ZMYM4: variants seen among roughly 807,000 people sequenced by gnomAD.
The protein encoded by ZMYM4 is zinc finger MYM-type protein 4.
A neutral mutation model predicts 183.2 loss-of-function variants in ZMYM4; 31 were observed. The ratio of observed to expected loss-of-function variants is 0.17; its 90% confidence interval spans 0.13 to 0.23. ZMYM4 has a LOEUF of 0.23. Among genes scored for constraint, ZMYM4 ranks in the 10% least tolerant of loss-of-function variants. The pLI, the probability that ZMYM4 is intolerant of heterozygous loss-of-function variation, is 1.00. For synonymous variants in ZMYM4, 592 were observed against 631.2 expected (o/e 0.94, Z 0.93); for missense variants, 1,273 against 1,840.3 (o/e 0.69, Z 5.64).
chr1:35,359,449 A>G lies in ZMYM4; in HGVS notation c.607+3A>G. 6.4e-7 allele frequency: 1 copy of G among 1,552,352 alleles called. No homozygotes were observed. The highest frequency in any genetic ancestry group is 8.6e-7 in the Non-Finnish European group (1 of 1,158,030). ...AAGCAGTTTTTTTGATAAAGCAGGT[A>G]ATAATTGTTGGACTTAGAACCATAA... On this transcript the variant is annotated splice_donor_region_variant and intron_variant, in intron 3 of 29. Transcript: ENST00000314607.
intron 16 of ZMYM4, 147 bp downstream of exon 16, chr1:35,392,499 A>G (rs917471183): frequency 7.8e-7 from 1 of 1,283,968 alleles, no homozygotes; most frequent in African/African-American, 1.5e-5. Context: ...CATATCTCAT[A>G]CTTTAGAATT....
intron 1 of ZMYM4, among the ~76,000 whole-genome samples, chr1:35,297,349 C>T (rs1641070112): frequency 6.6e-6 from 1 of 151,820 alleles, no homozygotes; most frequent in East Asian, 1.9e-4. Flanking sequence ...AAAAATGAGC[C>T]AGGCATTTTG....
At chr1:35,391,312 CA>C (rs751341341) in intron 15 of ZMYM4, among the ~76,000 whole-genome samples, 20 of 152,166 alleles carry the variant, frequency 1.3e-4, no homozygotes, top group Non-Finnish European at 5.9e-5. Context: ...GGTCATCTCT[CA>C]GAGTAATTAC....
intron 2 of ZMYM4, among the ~76,000 whole-genome samples, chr1:35,341,578 T>C (rs188273604): frequency 6.6e-6 from 1 of 152,110 alleles, no homozygotes; most frequent in Admixed American, 6.6e-5. Context: ...AGGGTGTTAC[T>C]TAATTCCCTT....
intron 1 of ZMYM4, among the ~76,000 whole-genome samples, chr1:35,295,550 A>G (rs908293256): frequency 6.6e-6 from 1 of 152,134 alleles, no homozygotes; most frequent in Non-Finnish European, 1.5e-5. Context: ...CCTGGTTTCT[A>G]TCTACTAGAT....
At chr1:35,398,114 G>A (rs1159921853) in intron 20 of ZMYM4, among the ~76,000 whole-genome samples, 1 of 152,202 alleles carries the variant, frequency 6.6e-6, no homozygotes, top group Non-Finnish European at 1.5e-5. Flanking sequence ...GATCTGGAAA[G>A]TAGGATGTTA....
At position 35,397,006 on chromosome 1, in the gene ZMYM4, G is replaced by T. The variant is rs1417329444; in HGVS notation, c.3030+336G>T. 6.4e-5 allele frequency: 56 copies of T among 873,698 alleles called. No homozygotes were observed. The East Asian group carries it at 1.1e-3, about 17-fold the overall frequency. The allele number at this position is 873,698 out of a possible 1,614,324, so 54.1% of individuals were successfully genotyped here. ...TGTGATTTATATAATTCTCATTTTTGATTAAAGAAAAATGTATTTTTTAAT... is the reference window on the plus strand; with the variant it reads ...TGTGATTTATATAATTCTCATTTTTTATTAAAGAAAAATGTATTTTTTAAT... On this transcript the variant is annotated intron_variant, in intron 19 of 29. Transcript: ENST00000314607.
chr1:35,341,457 T>C (rs1643198054), intron 2 of ZMYM4, among the ~76,000 whole-genome samples: 1 of 152,120 alleles, frequency 6.6e-6, no homozygotes. Flanking sequence ...TAATATTTAT[T>C]GTGCTTTTTC....
chr1:35,277,062 A>G (rs1639913705), intron 1 of ZMYM4, among the ~76,000 whole-genome samples: 1 of 152,182 alleles, frequency 6.6e-6, no homozygotes, highest in Non-Finnish European at 1.5e-5. Context: ...TTTACCCCTC[A>G]TATTTCCCAC....
At chr1:35,391,077 A>T (rs534755156) in intron 15 of ZMYM4, among the ~76,000 whole-genome samples, 1 of 152,332 alleles carries the variant, frequency 6.6e-6, no homozygotes, top group East Asian at 1.9e-4. Flanking sequence ...GGGCGTGACT[A>T]GTTGGGGCCA....
rs559149155 is a variant in ZMYM4, at chr1:35,414,138, C to G, written c.4060+55C>G. Reference sequence around the variant, plus strand: ...TGATATGCTTTCTTAAATTGCTTAACTTTTTTGGTTATCTTTAAAAAAATT... The same window carrying G: ...TGATATGCTTTCTTAAATTGCTTAAGTTTTTTGGTTATCTTTAAAAAAATT... On this transcript the variant is annotated intron_variant, in intron 27 of 29. Coordinates refer to ENST00000314607, the MANE Select transcript of ZMYM4 (RefSeq NM_005095.3). The G allele has an allele frequency of 4.5e-6, 5 of 1,101,072 alleles. No individual in the cohort carries two copies. The African/African-American group carries it at 8.0e-5, about 18-fold the overall frequency. 68.2% of individuals were successfully genotyped at this position (1,101,072 alleles called of 1,614,324 possible). A position where few individuals can be genotyped will look rare whatever the true frequency, so the allele number is the denominator to read the frequency against.
At chr1:35,398,607 TTG>T (rs1179007030) in intron 21 of ZMYM4, 141 bp downstream of exon 21, 1 of 837,784 alleles carries the variant, frequency 1.2e-6, no homozygotes, top group Non-Finnish European at 1.8e-6. Flanking sequence ...GTGTACTAAT[TTG>T]TAGTGAGAAT....
Position 35,325,416 on chromosome 1 carries a change from T to C in ZMYM4, c.85+11T>C. Reference sequence around the variant, plus strand: ...AAATTGTAGAGAACTGTAAGTACCATTTGAGAAAAAACAATCATGTCTTTA... The same window carrying C: ...AAATTGTAGAGAACTGTAAGTACCACTTGAGAAAAAACAATCATGTCTTTA... On this transcript the variant is annotated intron_variant, in intron 2 of 29. Transcript: ENST00000314607. The C allele has an allele frequency of 6.3e-7, 1 of 1,598,806 alleles. No individual in the cohort carries two copies. Among genetic ancestry groups the C allele is most frequent in the South Asian group, 1.1e-5 (1 of 87,932 alleles).
At chr1:35,358,437 C>T (rs1643876703) in intron 2 of ZMYM4, among the ~76,000 whole-genome samples, 1 of 151,562 alleles carries the variant, frequency 6.6e-6, no homozygotes, top group African/African-American at 2.4e-5. Context: ...TCAGTTTTCC[C>T]TGAATAATCG....
intron 1 of ZMYM4, among the ~76,000 whole-genome samples, chr1:35,280,779 A>C (rs1357989289): frequency 6.6e-6 from 1 of 151,988 alleles, no homozygotes; most frequent in Admixed American, 6.6e-5. Flanking sequence ...TCTTCTAAGG[A>C]CACTCTTCAT....
chr1:35,412,122 G>T (rs898636736), intron 26 of ZMYM4, among the ~76,000 whole-genome samples: 3 of 151,426 alleles, frequency 2.0e-5, no homozygotes, highest in Admixed American at 6.6e-5. Context: ...CTTGTGATCC[G>T]CCCGCCTTAG....
chr1:35,336,906 G>A lies in ZMYM4; in HGVS notation c.85+11501G>A, dbSNP rs78880535. 6.1e-3 allele frequency among the ~76,000 whole-genome samples: 936 copies of A among 152,274 alleles called. 4 individuals are homozygous for A. The highest frequency in any genetic ancestry group is 8.7e-3 in the Non-Finnish European group (595 of 68,034). The stretch of plus-strand genomic sequence containing the variant: ...CCCCCCATGTTGTTCTTGTGACAGC[G>A]AGTGAATTCTCATGAGGTATCATGG... On this transcript the variant is annotated intron_variant, in intron 2 of 29. Coordinates refer to ENST00000314607, the MANE Select transcript of ZMYM4 (RefSeq NM_005095.3).
chr1:35,317,115 T>A (rs1310674672), intron 1 of ZMYM4, among the ~76,000 whole-genome samples: 1 of 140,076 alleles, frequency 7.1e-6, no homozygotes, highest in Non-Finnish European at 1.5e-5. Flanking sequence ...AGAGCGAGAC[T>A]TCATCTCAAA....
chr1:35,392,779 AT>A, intron 17 of ZMYM4, 95 bp downstream of exon 17: 1 of 864,026 alleles, frequency 1.2e-6, no homozygotes, highest in South Asian at 2.0e-5. Flanking sequence ...CTCCTTCTTT[AT>A]TATATGAAAT....
Sources: gnomAD v4.1 joint callset for allele counts (sites outside exome capture counted in the v4.1 genomes callset) on GRCh38, gnomAD v4.1.1 for gene constraint, MANE v1.5 for transcripts, NCBI Gene and HGNC (gene_info 2026-07-23, HGNC 2026-07-21) for gene names.